Variants in MTUS2 observed in about 807,000 individuals in gnomAD.
MTUS2 encodes microtubule associated scaffold protein 2, also known as microtubule-associated tumor suppressor candidate 2.
In MTUS2, 40 loss-of-function variants were observed where a neutral mutation model predicts 114.1. That is an observed-to-expected ratio of 0.35 (90% CI 0.27 to 0.46). The LOEUF (loss-of-function observed/expected upper bound fraction) is 0.46. Among genes scored for constraint, MTUS2 ranks in the 20% least tolerant of loss-of-function variants. The pLI is 1.00. For missense variants in MTUS2, 1,679 were observed against 1,705.4 expected (o/e 0.98, Z 0.27); for synonymous variants, 688 against 672.0 (o/e 1.02, Z -0.37).
At chr13:29,195,309 A>C (rs1407598875) in intron 5 of MTUS2, among the ~76,000 whole-genome samples, 1 of 151,886 alleles carries the variant, frequency 6.6e-6, no homozygotes, top group Admixed American at 6.5e-5. Context: ...TATTATAGAA[A>C]GGTTATCAAG....
intron 2 of MTUS2, among the ~76,000 whole-genome samples, chr13:28,875,012 C>T (rs1401849188): frequency 6.6e-6 from 1 of 152,134 alleles, no homozygotes; most frequent in Non-Finnish European, 1.5e-5. Flanking sequence ...TGTTGTCTCC[C>T]CTTTAGAAAA....
chr13:28,840,639 G>A (rs1220587366), intron 2 of MTUS2, among the ~76,000 whole-genome samples: 2 of 152,208 alleles, frequency 1.3e-5, no homozygotes, highest in Admixed American at 6.5e-5. Flanking sequence ...TGAGCCCGAT[G>A]CCTCCGTAAA....
intron 2 of MTUS2, among the ~76,000 whole-genome samples, chr13:28,964,494 C>A (rs1883484990): frequency 6.6e-6 from 1 of 152,094 alleles, no homozygotes; most frequent in South Asian, 2.1e-4. Flanking sequence ...TCAAACCGGC[C>A]AGTCTTGTCT....
intron 5 of MTUS2, 52 bp downstream of exon 5, chr13:29,101,022 G>A (rs560228221): frequency 1.3e-5 from 19 of 1,469,010 alleles, no homozygotes; most frequent in Middle Eastern, 2.3e-4. Flanking sequence ...AAACCGGCGC[G>A]CCTGTGTAAC....
intron 8 of MTUS2, among the ~76,000 whole-genome samples, chr13:29,409,797 C>CTT (rs201600159): frequency 1.0e-3 from 143 of 142,060 alleles, no homozygotes; most frequent in Middle Eastern, 3.8e-3. Context: ...CTTCATTCGT[C>CTT]TTTTTTTTTT....
At chr13:29,013,809 T>C (rs1460144876) in intron 2 of MTUS2, among the ~76,000 whole-genome samples, 1 of 152,194 alleles carries the variant, frequency 6.6e-6, no homozygotes, top group Non-Finnish European at 1.5e-5. Context: ...CACGCATACC[T>C]ACATTGCAGG....
At chr13:29,455,220 C>A (rs1349980515) in intron 9 of MTUS2, among the ~76,000 whole-genome samples, 1 of 152,178 alleles carries the variant, frequency 6.6e-6, no homozygotes, top group Non-Finnish European at 1.5e-5. Context: ...AGGAGAGCCC[C>A]AGGGATTACA....
chr13:29,209,453 T>C (rs913679955), intron 5 of MTUS2, among the ~76,000 whole-genome samples: 4 of 152,144 alleles, frequency 2.6e-5, no homozygotes, highest in Non-Finnish European at 5.9e-5. Flanking sequence ...GAGGTACTAT[T>C]CTATTCATCA....
At chr13:28,993,795 T>A (rs1302140381) in intron 2 of MTUS2, among the ~76,000 whole-genome samples, 1 of 152,140 alleles carries the variant, frequency 6.6e-6, no homozygotes, top group Non-Finnish European at 1.5e-5. Context: ...TGTTACTGTC[T>A]TCTTTTTTGC....
intron 5 of MTUS2, among the ~76,000 whole-genome samples, chr13:29,256,645 A>G (rs570648453): frequency 1.3e-5 from 2 of 152,398 alleles, no homozygotes; most frequent in South Asian, 4.1e-4. Flanking sequence ...AAATAAATAC[A>G]AGACTTAATT....
At chr13:29,336,986 C>T (rs1441258947) in intron 7 of MTUS2, among the ~76,000 whole-genome samples, 3 of 152,086 alleles carry the variant, frequency 2.0e-5, no homozygotes, top group Non-Finnish European at 4.4e-5. Context: ...GGCAGATGCC[C>T]CTTCCCCCAC....
intron 9 of MTUS2, among the ~76,000 whole-genome samples, chr13:29,477,214 G>A (rs1880768684): frequency 6.6e-6 from 1 of 152,116 alleles, no homozygotes; most frequent in Admixed American, 6.5e-5. Context: ...GAATTAATTT[G>A]ACTTTGTGTC....
At chr13:29,167,468 G>A (rs557850571) in intron 5 of MTUS2, among the ~76,000 whole-genome samples, 79 of 150,150 alleles carry the variant, frequency 5.3e-4, no homozygotes, top group African/African-American at 1.8e-3. Flanking sequence ...TTCTAGCTTA[G>A]TGGTTTATGT....
chr13:28,831,334 A>G (rs1207195072), intron 1 of MTUS2, among the ~76,000 whole-genome samples: 1 of 152,220 alleles, frequency 6.6e-6, no homozygotes, highest in Non-Finnish European at 1.5e-5. Flanking sequence ...ACTGTAGTCA[A>G]AAGGCATAGG....
chr13:28,998,118 T>G (rs1205654608), intron 2 of MTUS2, among the ~76,000 whole-genome samples: 1 of 151,740 alleles, frequency 6.6e-6, no homozygotes, highest in Non-Finnish European at 1.5e-5. Context: ...TTTGCTTTGC[T>G]GTAAAGGATT....
intron 4 of MTUS2, among the ~76,000 whole-genome samples, chr13:29,046,716 A>AGTAC (rs1887635423): frequency 6.6e-6 from 1 of 151,596 alleles, no homozygotes; most frequent in Non-Finnish European, 1.5e-5. Context: ...GATTCATAGT[A>AGTAC]CCCCTCCCCC....
intron 3 of MTUS2, among the ~76,000 whole-genome samples, chr13:29,028,843 G>A (rs1417773459): frequency 6.6e-6 from 1 of 152,160 alleles, no homozygotes; most frequent in African/African-American, 2.4e-5. Context: ...AAAATGTTGA[G>A]TGATAACTGA....
At chr13:29,263,773 G>T (rs1431545637) in intron 5 of MTUS2, among the ~76,000 whole-genome samples, 1 of 152,138 alleles carries the variant, frequency 6.6e-6, no homozygotes, top group Non-Finnish European at 1.5e-5. Context: ...CCATTCATGA[G>T]GGATCTGCCC....
intron 9 of MTUS2, among the ~76,000 whole-genome samples, chr13:29,443,712 A>G (rs1295938053): frequency 6.6e-6 from 1 of 152,208 alleles, no homozygotes; most frequent in African/African-American, 2.4e-5. Flanking sequence ...CTAGACATGC[A>G]GTGTATTCTC....
Sources: allele counts gnomAD v4.1 joint callset (sites outside exome capture counted in the v4.1 genomes callset), GRCh38; gene constraint gnomAD v4.1.1; transcripts MANE v1.5; gene names NCBI Gene and HGNC (gene_info 2026-07-23, HGNC 2026-07-21).